The following PIAS2 variants were observed in gnomAD, a reference collection of about 807,000 sequenced individuals.
PIAS2 encodes the protein protein inhibitor of activated STAT 2, also known as E3 SUMO-protein ligase PIAS2.
PIAS2 carries 19 observed loss-of-function variants against 69.7 expected under a neutral mutation model. The observed-to-expected ratio is 0.27, with a 90% CI of 0.19 to 0.40. The LOEUF (loss-of-function observed/expected upper bound fraction) is 0.40. PIAS2 is among the 10% of genes least tolerant of loss of function. The pLI, the probability that PIAS2 is intolerant of heterozygous loss-of-function variation, is 1.00. For missense variants in PIAS2, 624 were observed against 757.0 expected (o/e 0.82, Z 2.06); for synonymous variants, 261 against 263.2 (o/e 0.99, Z 0.08).
At chr18:46,817,117 T>C (rs1365717494) in intron 12 of PIAS2, 2 of 948,350 alleles carry the variant, frequency 2.1e-6, no homozygotes, top group Non-Finnish European at 2.5e-6. Flanking sequence ...ATCTTTTCAG[T>C]TTTTCAGTTT....
intron 1 of PIAS2, among the ~76,000 whole-genome samples, chr18:46,892,245 G>A (rs970005801): frequency 6.6e-6 from 1 of 151,932 alleles, no homozygotes; most frequent in African/African-American, 2.4e-5. Context: ...AATACTTGTT[G>A]GTATAAATAC....
At chr18:46,816,638 ATTT>A in intron 12 of PIAS2, 2 of 242,838 alleles carry the variant, frequency 8.2e-6, no homozygotes, top group Non-Finnish European at 1.3e-5. Context: ...TATTATTATT[ATTT>A]TTTTTTTGTA....
At chr18:46,818,379 A>C in intron 12 of PIAS2, 1 of 1,552,022 alleles carries the variant, frequency 6.4e-7, no homozygotes, top group Non-Finnish European at 8.7e-7. Flanking sequence ...TTTTGTATTC[A>C]CTGTTGCACA....
intron 9 of PIAS2, among the ~76,000 whole-genome samples, chr18:46,832,265 A>T (rs1307187920): frequency 6.6e-6 from 1 of 151,988 alleles, no homozygotes; most frequent in Admixed American, 6.6e-5. Context: ...AAATACAAAA[A>T]TTAGCCAGGC....
chr18:46,825,805 C>T (rs1026110257), intron 11 of PIAS2, among the ~76,000 whole-genome samples: 6 of 152,222 alleles, frequency 3.9e-5, no homozygotes, highest in Non-Finnish European at 8.8e-5. Context: ...AATTAATTTA[C>T]TGAAGGCCTT....
At chr18:46,840,378 C>A (rs1163009301) in intron 8 of PIAS2, among the ~76,000 whole-genome samples, 1 of 152,078 alleles carries the variant, frequency 6.6e-6, no homozygotes, top group Non-Finnish European at 1.5e-5. Flanking sequence ...AGAAAAAGAA[C>A]ACAAAATGCC....
intron 2 of PIAS2, among the ~76,000 whole-genome samples, chr18:46,864,688 T>C (rs2145611245): frequency 6.6e-6 from 1 of 151,502 alleles, no homozygotes; most frequent in African/African-American, 2.4e-5. Flanking sequence ...GAGAATCACT[T>C]GAACCCAGAA....
At chr18:46,843,897 A>G (rs2045780028) in intron 8 of PIAS2, 157 bp downstream of exon 8, 2 of 489,858 alleles carry the variant, frequency 4.1e-6, no homozygotes, top group African/African-American at 4.0e-5. Context: ...CAAATAATAC[A>G]AAGAATTGTG....
intron 6 of PIAS2, 60 bp downstream of exon 6, chr18:46,846,647 C>A: frequency 6.8e-7 from 1 of 1,471,308 alleles, no homozygotes; most frequent in South Asian, 1.5e-5. Context: ...TAAGAAAAAA[C>A]ACAGAAAGTC....
intron 2 of PIAS2, among the ~76,000 whole-genome samples, chr18:46,867,847 G>A (rs1172416593): frequency 6.6e-6 from 1 of 152,152 alleles, no homozygotes; most frequent in East Asian, 1.9e-4. Context: ...TTTAAGTGAT[G>A]CTATACAGCT....
intron 1 of PIAS2, among the ~76,000 whole-genome samples, chr18:46,904,603 T>C (rs1468496565): frequency 6.6e-6 from 1 of 151,906 alleles, no homozygotes; most frequent in Non-Finnish European, 1.5e-5. Flanking sequence ...ATACAAAAAT[T>C]AGCCAGGCAT....
intron 1 of PIAS2, 80 bp downstream of exon 1, chr18:46,917,242 C>A (rs1419955927): frequency 1.4e-6 from 2 of 1,413,558 alleles, no homozygotes; most frequent in Non-Finnish European, 1.9e-6. Context: ...CACGAGCAGG[C>A]GGCGGCCGGC....
chr18:46,862,152 G>A (rs2048757273), intron 3 of PIAS2, among the ~76,000 whole-genome samples: 2 of 152,164 alleles, frequency 1.3e-5, no homozygotes, highest in Non-Finnish European at 2.9e-5. Context: ...CCAACGTGGT[G>A]AAACCCCGTC....
chr18:46,862,104 G>A (rs532753090), intron 3 of PIAS2, among the ~76,000 whole-genome samples: 1 of 152,332 alleles, frequency 6.6e-6, no homozygotes, highest in East Asian at 1.9e-4. Flanking sequence ...GGCCGAACAG[G>A]TGGATCACTT....
At chr18:46,817,198 T>C (rs1176636077) in intron 12 of PIAS2, 31 of 965,014 alleles carry the variant, frequency 3.2e-5, no homozygotes, top group Non-Finnish European at 3.6e-5. Context: ...TCTTTAATAT[T>C]TGCTGTATCT....
intron 11 of PIAS2, among the ~76,000 whole-genome samples, chr18:46,824,942 G>C (rs1035781603): frequency 2.0e-5 from 3 of 151,134 alleles, no homozygotes; most frequent in African/African-American, 7.3e-5. Context: ...CAAGACTGCA[G>C]TGAGCCGCGA....
At chr18:46,858,867 A>G (rs773872115) in intron 3 of PIAS2, among the ~76,000 whole-genome samples, 49 of 152,126 alleles carry the variant, frequency 3.2e-4, no homozygotes, top group Non-Finnish European at 5.1e-4. Flanking sequence ...GAATGCTGCA[A>G]CTGAAGAGAT....
intron 5 of PIAS2, among the ~76,000 whole-genome samples, chr18:46,847,149 T>C (rs2046271229): frequency 6.6e-6 from 1 of 152,188 alleles, no homozygotes; most frequent in Admixed American, 6.5e-5. Flanking sequence ...CACCAAGCTT[T>C]ACAGATAAAG....
Position 46,806,886 on chromosome 18 carries a change from T to C in PIAS2, c.*5547A>G, listed in dbSNP as rs986693893. On this transcript the variant is annotated 3_prime_UTR_variant, in exon 14 of 14. Transcript: ENST00000585916. ...AAAATAAAGCTTTTTAAAAAAGCCA[T>C]TCAGAAATAGGAAGCAGTTTGGGAA... The C allele has an allele frequency of 2.0e-5, 3 of 152,254 alleles. No homozygotes were observed. 9.4% of individuals were successfully genotyped at this position (152,254 alleles called of 1,614,324 possible). A position where few individuals can be genotyped will look rare whatever the true frequency, so the allele number is the denominator to read the frequency against.
Sources: gnomAD v4.1 joint callset for allele counts (sites outside exome capture counted in the v4.1 genomes callset) on GRCh38, gnomAD v4.1.1 for gene constraint, MANE v1.5 for transcripts, NCBI Gene and HGNC (gene_info 2026-07-23, HGNC 2026-07-21) for gene names.